The following TMEM178B variants were observed in gnomAD, a reference collection of about 807,000 sequenced individuals.
TMEM178B encodes transmembrane protein 178B.
A neutral mutation model predicts 31.0 loss-of-function variants in TMEM178B; 5 were observed. The observed-to-expected ratio is 0.16, with a 90% CI of 0.08 to 0.34. The LOEUF (loss-of-function observed/expected upper bound fraction) is 0.34, where lower values mean the gene tolerates loss of function less well. Ranked by LOEUF, TMEM178B falls within the 10% of genes least tolerant of loss-of-function variation. TMEM178B has a pLI of 1.00. For synonymous variants in TMEM178B, 164 were observed against 164.0 expected, an observed-to-expected ratio of 1.00 and a Z score of 0.00; for missense variants, 275 against 400.3, an observed-to-expected ratio of 0.69 and a Z score of 2.67.
At chr7:141,227,485 G>A (rs759119097) in intron 2 of TMEM178B, among the ~76,000 whole-genome samples, 4 of 152,136 alleles carry the variant, frequency 2.6e-5, no homozygotes, top group Non-Finnish European at 5.9e-5. Flanking sequence ...TGTACTATGA[G>A]GTGAATATTA....
At chr7:141,437,467 G>A (rs1801566999) in intron 2 of TMEM178B, 141 bp from the exon 3 acceptor site, 4 of 1,102,598 alleles carry the variant, frequency 3.6e-6, no homozygotes, top group Non-Finnish European at 3.8e-6. Flanking sequence ...CAAAGATTGT[G>A]TGCTCCTATC....
At chr7:141,336,119 A>G (rs1170996036) in intron 2 of TMEM178B, among the ~76,000 whole-genome samples, 2 of 152,178 alleles carry the variant, frequency 1.3e-5, no homozygotes, top group East Asian at 3.9e-4. Context: ...TTACGTGCCA[A>G]CTGGAAGAAT....
At chr7:141,347,386 CT>C (rs1434754392) in intron 2 of TMEM178B, among the ~76,000 whole-genome samples, 1 of 152,038 alleles carries the variant, frequency 6.6e-6, no homozygotes, top group Non-Finnish European at 1.5e-5. Flanking sequence ...CCTTGGAAAT[CT>C]TTTTGGGCCA....
chr7:141,464,208 C>T (rs1168365290), intron 3 of TMEM178B, among the ~76,000 whole-genome samples: 1 of 152,200 alleles, frequency 6.6e-6, no homozygotes, highest in Non-Finnish European at 1.5e-5. Flanking sequence ...TTTCTGTTTA[C>T]TGTCTGCAGA....
intron 3 of TMEM178B, among the ~76,000 whole-genome samples, chr7:141,452,099 T>C (rs1389592714): frequency 3.9e-5 from 6 of 152,224 alleles, no homozygotes; most frequent in Non-Finnish European, 7.3e-5. Context: ...CTCTCTTTGC[T>C]TTTTACCTAA....
intron 1 of TMEM178B, among the ~76,000 whole-genome samples, chr7:141,159,044 T>C (rs6969629): frequency 0.73 from 110,430 of 152,060 alleles, 40,684 homozygotes; most frequent in African/African-American, 0.83. Flanking sequence ...TTCTCTGATT[T>C]TGTGAATGAT....
chr7:141,483,100 G>C (rs959022585), downstream of TMEM178B, among the ~76,000 whole-genome samples: 1 of 152,102 alleles, frequency 6.6e-6, no homozygotes, highest in Admixed American at 6.5e-5. Context: ...GTGAACAAAG[G>C]CATTCTCATC....
At chr7:141,139,386 GT>G (rs112342126) in intron 1 of TMEM178B, among the ~76,000 whole-genome samples, 11 of 151,964 alleles carry the variant, frequency 7.2e-5, no homozygotes, top group African/African-American at 2.7e-4. Context: ...GAGTCTCGCT[GT>G]TTTGCCCAAG....
intron 3 of TMEM178B, among the ~76,000 whole-genome samples, chr7:141,442,871 T>A (rs1801686882): frequency 6.6e-6 from 1 of 152,364 alleles, no homozygotes; most frequent in South Asian, 2.1e-4. Flanking sequence ...ATAGATTACA[T>A]GGTTCAGAAT....
intron 1 of TMEM178B, among the ~76,000 whole-genome samples, chr7:141,096,872 G>C (rs1237568988): frequency 6.6e-6 from 1 of 152,044 alleles, no homozygotes; most frequent in Admixed American, 6.5e-5. Flanking sequence ...AGGATCACTC[G>C]AGCCCAGGAG....
chr7:141,104,254 A>G (rs901125164), intron 1 of TMEM178B, among the ~76,000 whole-genome samples: 4 of 152,126 alleles, frequency 2.6e-5, no homozygotes, highest in East Asian at 3.8e-4. Flanking sequence ...CCCCTGCTGT[A>G]GAGGTGAAGG....
intron 2 of TMEM178B, among the ~76,000 whole-genome samples, chr7:141,267,818 C>T (rs557210743): frequency 2.0e-5 from 3 of 152,232 alleles, no homozygotes; most frequent in Non-Finnish European, 4.4e-5. Flanking sequence ...CTCTACTCCT[C>T]ATCATATAAT....
At chr7:141,267,356 T>C (rs1033623747) in intron 2 of TMEM178B, among the ~76,000 whole-genome samples, 1 of 152,194 alleles carries the variant, frequency 6.6e-6, no homozygotes, top group Non-Finnish European at 1.5e-5. Context: ...TTTGTTTTTT[T>C]AGAGAGAACT....
intron 1 of TMEM178B, among the ~76,000 whole-genome samples, chr7:141,211,936 T>G (rs1386337189): frequency 6.6e-6 from 1 of 152,214 alleles, no homozygotes; most frequent in Non-Finnish European, 1.5e-5. Context: ...GACCACACTT[T>G]GAGAATCTCT....
At chr7:141,292,977 GGAAGTGTTGAGCCTGC>G (rs551440487) in intron 2 of TMEM178B, among the ~76,000 whole-genome samples, 101 of 152,180 alleles carry the variant, frequency 6.6e-4, no homozygotes, top group African/African-American at 2.4e-3. Context: ...ACTGCTCTGT[GGAAGTGTTGAGCCTGC>G]AATAGTGAGA....
chr7:141,402,188 G>A (rs746818756), intron 2 of TMEM178B, among the ~76,000 whole-genome samples: 15 of 152,134 alleles, frequency 9.9e-5, no homozygotes, highest in Non-Finnish European at 1.5e-4. Flanking sequence ...AGGAGGAGCC[G>A]CACAGGCAAT....
At chr7:141,077,579 G>A (rs1212142806) in intron 1 of TMEM178B, among the ~76,000 whole-genome samples, 2 of 152,156 alleles carry the variant, frequency 1.3e-5, no homozygotes, top group Non-Finnish European at 2.9e-5. Flanking sequence ...GTACCCACAC[G>A]TATGCATTTC....
chr7:141,172,669 T>C (rs1796367209), intron 1 of TMEM178B, among the ~76,000 whole-genome samples: 1 of 152,130 alleles, frequency 6.6e-6, no homozygotes. Context: ...GCAGATATAG[T>C]GGGAATGGAT....
intron 2 of TMEM178B, among the ~76,000 whole-genome samples, chr7:141,424,256 G>T (rs117645923): frequency 6.6e-6 from 1 of 152,180 alleles, no homozygotes; most frequent in Non-Finnish European, 1.5e-5. Flanking sequence ...TGCAAAAAAG[G>T]CAATGGTGGC....
Sources: gnomAD v4.1 joint callset for allele counts (sites outside exome capture counted in the v4.1 genomes callset) on GRCh38, gnomAD v4.1.1 for gene constraint, MANE v1.5 for transcripts, NCBI Gene and HGNC (gene_info 2026-07-23, HGNC 2026-07-21) for gene names.